CC2D2B: variants seen among roughly 807,000 people sequenced by gnomAD.
CC2D2B encodes the protein coiled-coil and C2 domain containing 2B.
In CC2D2B, 128 loss-of-function variants were observed where a neutral mutation model predicts 161.2. That is an observed-to-expected ratio of 0.79 (90% CI 0.69 to 0.92). The LOEUF (loss-of-function observed/expected upper bound fraction) is 0.92, where lower values mean the gene tolerates loss of function less well. Ranked by LOEUF, CC2D2B falls within the 40% of genes least tolerant of loss-of-function variation. The pLI is 0.00. For missense variants in CC2D2B, 1,173 were observed against 1,375.1 expected, an observed-to-expected ratio of 0.85 and a Z score of 2.32; for synonymous variants, 391 against 449.8, an observed-to-expected ratio of 0.87 and a Z score of 1.65.
At chr10:95,908,559 T>C (rs775077964) in intron 1 of CC2D2B, among the ~76,000 whole-genome samples, 7 of 152,088 alleles carry the variant, frequency 4.6e-5, no homozygotes, top group Non-Finnish European at 1.0e-4. Context: ...AGGTTGGAGA[T>C]GCCAGGGAGA....
chr10:95,953,345 G>A (rs1249633806), intron 10 of CC2D2B, among the ~76,000 whole-genome samples: 1 of 152,006 alleles, frequency 6.6e-6, no homozygotes, highest in Admixed American at 6.6e-5. Context: ...GGGACTACAG[G>A]TACATGCCAC....
chr10:95,946,912 AT>A lies in CC2D2B; in HGVS notation c.802-2981del, dbSNP rs74717655. ...CAGAGAGTGGGCTCAGTGTGCTCCTATTTGGGTTGATGCATTCATGGCTTTT... is the reference window on the plus strand; with the variant it reads ...CAGAGAGTGGGCTCAGTGTGCTCCTATTGGGTTGATGCATTCATGGCTTTT... On this transcript the variant is annotated intron_variant, in intron 9 of 34. Coordinates refer to ENST00000646931, the MANE Select transcript of CC2D2B (RefSeq NM_001349008.3). Among the ~76,000 whole-genome samples, 149 of 151,404 alleles carry A rather than the reference AT, an allele frequency of 9.8e-4. 4 individuals are homozygous for A. In the East Asian group the frequency reaches 0.028, roughly 29 times the overall value.
chr10:96,025,318 C>G (rs1389350580), intron 33 of CC2D2B, among the ~76,000 whole-genome samples: 1 of 120,680 alleles, frequency 8.3e-6, no homozygotes, highest in African/African-American at 3.2e-5. Context: ...TATGATCACA[C>G]AACACACCAC....
chr10:95,974,457 T>A (rs1002637437), intron 17 of CC2D2B, among the ~76,000 whole-genome samples: 1 of 152,278 alleles, frequency 6.6e-6, no homozygotes, highest in East Asian at 1.9e-4. Flanking sequence ...GGCCTGTATA[T>A]CTCCCAGTCA....
intron 18 of CC2D2B, among the ~76,000 whole-genome samples, chr10:95,982,409 T>C (rs891735727): frequency 6.6e-6 from 1 of 152,320 alleles, no homozygotes; most frequent in East Asian, 1.9e-4. Context: ...GCAGTTACCA[T>C]GTGCCAGCCA....
At chr10:96,024,117 G>A (rs11814327) in intron 32 of CC2D2B, among the ~76,000 whole-genome samples, 44,675 of 152,142 alleles carry the variant, frequency 0.29, 7,260 homozygotes, top group Middle Eastern at 0.37. Context: ...GGGTTGGCAA[G>A]GAACTTGAGA....
At chr10:95,975,336 C>T (rs12411569) in intron 17 of CC2D2B, among the ~76,000 whole-genome samples, 38,214 of 151,888 alleles carry the variant, frequency 0.25, 6,286 homozygotes, top group Admixed American at 0.36. Context: ...TGCTTTTCTT[C>T]GGTACATAAG....
chr10:95,946,112 T>A (rs914446620), intron 9 of CC2D2B, among the ~76,000 whole-genome samples: 2 of 152,150 alleles, frequency 1.3e-5, no homozygotes, highest in African/African-American at 4.8e-5. Flanking sequence ...TTGTTTTCTG[T>A]TGTTAAAGTC....
chr10:96,000,580 G>A (rs972527068), intron 24 of CC2D2B, among the ~76,000 whole-genome samples: 1 of 151,954 alleles, frequency 6.6e-6, no homozygotes, highest in African/African-American at 2.4e-5. Flanking sequence ...TAGTCAGGAT[G>A]GTATTGATCT....
chr10:95,941,467 A>G (rs944653060), intron 9 of CC2D2B, among the ~76,000 whole-genome samples: 5 of 152,192 alleles, frequency 3.3e-5, no homozygotes, highest in Non-Finnish European at 4.4e-5. Context: ...GAAATCCAAA[A>G]TATATAAAGA....
chr10:95,992,396 A>G (rs2077992820), intron 21 of CC2D2B, 131 bp from the exon 22 acceptor site: 1 of 670,258 alleles, frequency 1.5e-6, no homozygotes, highest in South Asian at 8.1e-5. Context: ...GTTTAAGACA[A>G]TTCTGTCTCC....
chr10:95,932,514 A>G (rs10786249), intron 6 of CC2D2B, among the ~76,000 whole-genome samples: 89,714 of 152,004 alleles, frequency 0.59, 27,076 homozygotes, highest in African/African-American at 0.66. Flanking sequence ...GCAGTGGCTG[A>G]TGCTGGTTTT....
chr10:95,927,801 T>C (rs758985166), intron 6 of CC2D2B, among the ~76,000 whole-genome samples: 21 of 151,722 alleles, frequency 1.4e-4, no homozygotes, highest in Non-Finnish European at 3.1e-4. Context: ...TCATTCCTCC[T>C]AACCCAATCC....
At chr10:95,959,217 C>T (rs1233322068) in intron 11 of CC2D2B, among the ~76,000 whole-genome samples, 1 of 152,156 alleles carries the variant, frequency 6.6e-6, no homozygotes, top group Non-Finnish European at 1.5e-5. Flanking sequence ...ACTCCAGGCT[C>T]AGATGACTAG....
At chr10:96,027,449 A>AT in intron 34 of CC2D2B, 60 bp downstream of exon 34, 4 of 1,199,114 alleles carry the variant, frequency 3.3e-6, no homozygotes, top group Non-Finnish European at 4.6e-6. Context: ...TAATTGCTAA[A>AT]TAATAGCAGT....
chr10:95,914,204 T>C (rs2098511660), intron 2 of CC2D2B, among the ~76,000 whole-genome samples: 1 of 152,162 alleles, frequency 6.6e-6, no homozygotes, highest in Non-Finnish European at 1.5e-5. Flanking sequence ...CCCAGCCCCC[T>C]TTATTAAAGA....
rs1187945225 is a variant in CC2D2B at position 95,923,999 on chromosome 10, T to A, written c.98-315T>A. On this transcript the variant is annotated intron_variant, in intron 3 of 34. Coordinates refer to ENST00000646931, the MANE Select transcript of CC2D2B (RefSeq NM_001349008.3). ...TGGTGTCACTGCACTCCAGCCTGGGTGACAAGAGCAAAACTCTGTCTCAAA... is the reference window on the plus strand; with the variant it reads ...TGGTGTCACTGCACTCCAGCCTGGGAGACAAGAGCAAAACTCTGTCTCAAA... Among the ~76,000 whole-genome samples, 3 of 151,640 alleles carry A rather than the reference T, an allele frequency of 2.0e-5. No homozygotes were observed. The East Asian group carries it at 5.8e-4, about 29-fold the overall frequency.
chr10:95,954,278 C>T (rs114574240), intron 10 of CC2D2B, among the ~76,000 whole-genome samples: 3,971 of 152,110 alleles, frequency 0.026, 74 homozygotes, highest in Middle Eastern at 0.054. Context: ...CCTTTTCTAT[C>T]TAGAGTTTAT....
intron 34 of CC2D2B, among the ~76,000 whole-genome samples, chr10:96,031,408 C>T (rs548424291): frequency 6.6e-6 from 1 of 152,084 alleles, no homozygotes; most frequent in Admixed American, 6.6e-5. Flanking sequence ...TCCTTTAATC[C>T]CATCACATAG....
Sources: allele counts gnomAD v4.1 joint callset (sites outside exome capture counted in the v4.1 genomes callset), GRCh38; gene constraint gnomAD v4.1.1; transcripts MANE v1.5; gene names NCBI Gene and HGNC (gene_info 2026-07-23, HGNC 2026-07-21).